The following TTC6 variants were observed in gnomAD, a reference collection of about 807,000 sequenced individuals.
TTC6 encodes tetratricopeptide repeat domain 6.
Under a neutral mutation model 210.4 loss-of-function variants are expected in TTC6, and 172 were observed. The ratio of observed to expected loss-of-function variants is 0.82; its 90% confidence interval spans 0.72 to 0.93. TTC6 has a LOEUF of 0.93. TTC6 is among the 40% of genes least tolerant of loss of function. The pLI is 0.00. For synonymous variants in TTC6, 804 were observed against 819.6 expected (o/e 0.98, Z 0.32); for missense variants, 2,414 against 2,318.1 (o/e 1.04, Z -0.85).
chr14:37,773,130 A>G (rs1368473099), intron 14 of TTC6, among the ~76,000 whole-genome samples: 2 of 151,562 alleles, frequency 1.3e-5, no homozygotes, highest in Non-Finnish European at 2.9e-5. Flanking sequence ...TTGTTTGTTC[A>G]TTTGTTTTTA....
chr14:37,728,206 A>G (rs1268742785), intron 7 of TTC6, among the ~76,000 whole-genome samples: 1 of 152,118 alleles, frequency 6.6e-6, no homozygotes, highest in African/African-American at 2.4e-5. Flanking sequence ...GTTACATTTT[A>G]TGTGGCATAT....
chr14:37,795,169 T>C (rs939922450), intron 17 of TTC6, 101 bp from the exon 20 acceptor site: 35 of 674,616 alleles, frequency 5.2e-5, no homozygotes, highest in Non-Finnish European at 7.6e-5. Context: ...TGTTAGGAGA[T>C]GTCCCTGCAA....
intron 1 of TTC6, among the ~76,000 whole-genome samples, chr14:37,674,889 G>C (rs889634530): frequency 1.3e-5 from 2 of 151,362 alleles, no homozygotes; most frequent in Non-Finnish European, 2.9e-5. Flanking sequence ...TATTTCTCTG[G>C]CTTTACTAGA....
chr14:37,827,292 A>T lies in TTC6; in HGVS notation c.5224A>T (p.Thr1742Ser), dbSNP rs17107176. The change falls in exon 29 of 31, where the codon ACT (threonine) becomes TCT (serine). Residue 1742 changes from threonine to serine, a missense_variant. Coordinates refer to ENST00000553443, the Ensembl canonical transcript of TTC6. ...AATGAAAGACTACCAAGATGCAATTACTCTAAACCCCAAGTACTCGCTGGC... is the reference window on the plus strand; with the variant it reads ...AATGAAAGACTACCAAGATGCAATTTCTCTAAACCCCAAGTACTCGCTGGC... 19,481 of 1,613,260 alleles carry T rather than the reference A, an allele frequency of 0.012. 1,563 individuals are homozygous for T. The African/African-American group carries it at 0.2, about 16-fold the overall frequency.
chr14:37,626,469 T>C (rs1006440431), intron 1 of TTC6, among the ~76,000 whole-genome samples: 5 of 152,202 alleles, frequency 3.3e-5, no homozygotes, highest in African/African-American at 9.6e-5. Context: ...TTATAAAACT[T>C]AAGCTTATGT....
chr14:37,650,127 T>A (rs2095708544), intron 1 of TTC6, among the ~76,000 whole-genome samples: 1 of 152,218 alleles, frequency 6.6e-6, no homozygotes, highest in Non-Finnish European at 1.5e-5. Context: ...TGTTGCTTGT[T>A]CCTTCTTGCA....
rs375844491 is a variant in TTC6 at position 37,690,198 on chromosome 14, A to G, written c.1258-6519A>G. On this transcript the variant is annotated intron_variant, in intron 3 of 30. Coordinates refer to ENST00000553443, the Ensembl canonical transcript of TTC6. ...TAAGACAGTATTTGGAAGCCTCATG[A>G]TAACCTCAAAACAAAAATCATTCAA... 4.6e-4 allele frequency among the ~76,000 whole-genome samples: 70 copies of G among 152,236 alleles called. 1 individual carries two copies. The South Asian group carries it at 0.012, about 27-fold the overall frequency.
intron 20 of TTC6, among the ~76,000 whole-genome samples, chr14:37,799,614 C>G (rs1297788692): frequency 6.6e-6 from 1 of 152,066 alleles, no homozygotes; most frequent in Non-Finnish European, 1.5e-5. Flanking sequence ...GAGAGAAATT[C>G]CCTTCCTGGC....
intron 3 of TTC6, 35 bp from the exon 6 acceptor site, chr14:37,696,682 C>T: frequency 9.1e-7 from 1 of 1,092,906 alleles, no homozygotes; most frequent in South Asian, 2.0e-5. Context: ...CATGTTACAT[C>T]TTCTCTTAAC....
At chr14:37,838,736 G>A (rs2096203459) in intron 29 of TTC6, among the ~76,000 whole-genome samples, 1 of 151,988 alleles carries the variant, frequency 6.6e-6, no homozygotes, top group Non-Finnish European at 1.5e-5. Flanking sequence ...CAACGTGCAG[G>A]TTTGTTACAT....
rs150340410 is a variant in TTC6 at position 37,702,465 on chromosome 14, G to A, written c.1571+939G>A. On this transcript the variant is annotated intron_variant, in intron 5 of 30. Transcript: ENST00000553443. ...AACTTTAATCACACTGTGCTCCCCC[G>A]ACCCAAAGCACCAATTTTTACCTCC... Among the ~76,000 whole-genome samples the A allele has an allele frequency of 2.6e-3, 392 of 152,040 alleles. 2 individuals are homozygous for A. Among genetic ancestry groups the A allele is most frequent in the African/African-American group, 8.8e-3 (364 of 41,470 alleles).
chr14:37,626,054 C>T lies in TTC6; in HGVS notation c.939+3051C>T, dbSNP rs147637133. Among the ~76,000 whole-genome samples the T allele has an allele frequency of 2.7e-3, 411 of 152,238 alleles. 1 individual carries two copies. The highest frequency in any genetic ancestry group is 3.5e-3 in the Non-Finnish European group (237 of 68,012). On this transcript the variant is annotated intron_variant, in intron 1 of 30. Transcript: ENST00000553443. ...TAGATACTAGTAGCACCTCCCAAGTCATAACAATAAAAAATGTCTCTAGAT... is the reference window on the plus strand; with the variant it reads ...TAGATACTAGTAGCACCTCCCAAGTTATAACAATAAAAAATGTCTCTAGAT...
chr14:37,601,037 G>A (rs1177039490), intron 1 of TTC6, among the ~76,000 whole-genome samples: 1 of 152,194 alleles, frequency 6.6e-6, no homozygotes, highest in Non-Finnish European at 1.5e-5. Context: ...AGATTTGCAG[G>A]AACTCTGACC....
chr14:37,792,563 T>A, intron 17 of TTC6, 149 bp downstream of exon 19: 1 of 553,238 alleles, frequency 1.8e-6, no homozygotes, highest in Non-Finnish European at 2.8e-6. Flanking sequence ...TAGTTAACTC[T>A]AATTACTCAT....
chr14:37,735,459 A>G (rs2095899109), intron 7 of TTC6, among the ~76,000 whole-genome samples: 1 of 152,206 alleles, frequency 6.6e-6, no homozygotes, highest in African/African-American at 2.4e-5. Flanking sequence ...CTACATACTT[A>G]ACCGATAGAA....
At chr14:37,712,039 A>G (rs1033608472) in intron 5 of TTC6, among the ~76,000 whole-genome samples, 2 of 152,140 alleles carry the variant, frequency 1.3e-5, no homozygotes, top group African/African-American at 4.8e-5. Context: ...AAAAATTTCC[A>G]GGTAAGTGCT....
At chr14:37,760,303 C>A (rs1220980151) in intron 14 of TTC6, among the ~76,000 whole-genome samples, 1 of 152,150 alleles carries the variant, frequency 6.6e-6, no homozygotes, top group Non-Finnish European at 1.5e-5. Flanking sequence ...CACTTCAGAA[C>A]CTGTTTGCCT....
intron 14 of TTC6, among the ~76,000 whole-genome samples, chr14:37,774,570 A>G (rs373741642): frequency 3.5e-4 from 53 of 152,340 alleles, no homozygotes; most frequent in African/African-American, 1.2e-3. Context: ...ACAACCTTGC[A>G]TCTCAGGGAT....
rs533866049 is a variant in TTC6, at chr14:37,690,767, C to G, written c.1258-5950C>G. On this transcript the variant is annotated intron_variant, in intron 3 of 30. Transcript: ENST00000553443. ...GGAGTCAAAGAGGGAGACTCCAATA[C>G]AATAGCTGAAAACTTCAACATCCCA... Among the ~76,000 whole-genome samples the G allele has an allele frequency of 9.9e-5, 15 of 151,864 alleles. No homozygotes were observed. The South Asian group carries it at 3.1e-3, about 32-fold the overall frequency.
Sources: gnomAD v4.1 joint callset for allele counts (sites outside exome capture counted in the v4.1 genomes callset) on GRCh38, gnomAD v4.1.1 for gene constraint, MANE v1.5 for transcripts, NCBI Gene and HGNC (gene_info 2026-07-23, HGNC 2026-07-21) for gene names.